The following KLF12 variants were observed in gnomAD, a reference collection of about 807,000 sequenced individuals.
KLF12 encodes the protein Krueppel-like factor 12.
A neutral mutation model predicts 37.8 loss-of-function variants in KLF12; 9 were observed. The observed-to-expected ratio is 0.24, with a 90% CI of 0.14 to 0.42. KLF12 has a LOEUF of 0.42. KLF12 is among the 10% of genes least tolerant of loss of function. KLF12 has a pLI of 1.00. For missense variants in KLF12, 411 were observed against 516.0 expected, an observed-to-expected ratio of 0.80 and a Z score of 1.97; for synonymous variants, 208 against 202.1, an observed-to-expected ratio of 1.03 and a Z score of -0.25.
chr13:73,763,647 C>T (rs999808177), intron 6 of KLF12, among the ~76,000 whole-genome samples: 3 of 152,122 alleles, frequency 2.0e-5, no homozygotes, highest in Non-Finnish European at 4.4e-5. Context: ...CCATTGAGAA[C>T]CAAGTTATGG....
At chr13:73,707,111 C>T (rs1267768959) in intron 7 of KLF12, among the ~76,000 whole-genome samples, 3 of 152,230 alleles carry the variant, frequency 2.0e-5, no homozygotes, top group Middle Eastern at 3.4e-3. Flanking sequence ...AGAGAAGACT[C>T]GTAGGTTATC....
intron 4 of KLF12, among the ~76,000 whole-genome samples, chr13:73,819,120 T>C (rs1883391244): frequency 6.6e-6 from 1 of 152,116 alleles, no homozygotes; most frequent in Non-Finnish European, 1.5e-5. Flanking sequence ...GGAAGCTTCT[T>C]TAGGATAAAA....
At chr13:74,268,107 G>C in the KLF12 span, among the ~76,000 whole-genome samples, 3 of 152,120 alleles carry the variant, frequency 2.0e-5, no homozygotes, top group African/African-American at 7.2e-5. Flanking sequence ...GTTGTTTTAA[G>C]CTACTGAGTT....
Position 73,751,665 on chromosome 13 carries a change from G to C in KLF12, c.869+13273C>G, listed in dbSNP as rs1013215197. On this transcript the variant is annotated intron_variant, in intron 6 of 7. Transcript: ENST00000377669. Reference sequence around the variant, plus strand: ...CGAGGAATGAGAAGACTGAGGTTAGGGAATATGAACAGATAGAATAAATGG... The same window carrying C: ...CGAGGAATGAGAAGACTGAGGTTAGCGAATATGAACAGATAGAATAAATGG... 2.0e-5 allele frequency among the ~76,000 whole-genome samples: 3 copies of C among 152,160 alleles called. No individual in the cohort carries two copies. In the East Asian group the frequency reaches 5.8e-4, roughly 29 times the overall value.
chr13:74,089,450 C>T (rs1401426244), intron 1 of KLF12, among the ~76,000 whole-genome samples: 4 of 151,918 alleles, frequency 2.6e-5, no homozygotes, highest in Admixed American at 2.6e-4. Context: ...TTGAAAATTC[C>T]ACAGATAACC....
At chr13:73,930,133 T>C (rs1889596155) in intron 3 of KLF12, among the ~76,000 whole-genome samples, 1 of 152,220 alleles carries the variant, frequency 6.6e-6, no homozygotes, top group African/African-American at 2.4e-5. Context: ...CATAGGTCTC[T>C]TAACAATAGC....
At chr13:74,054,789 C>G (rs1873146028) in intron 1 of KLF12, among the ~76,000 whole-genome samples, 1 of 152,124 alleles carries the variant, frequency 6.6e-6, no homozygotes, top group Non-Finnish European at 1.5e-5. Flanking sequence ...TTGCTTGTAC[C>G]TCATTTTCCA....
chr13:73,878,240 C>T (rs1230099272), intron 3 of KLF12, among the ~76,000 whole-genome samples: 1 of 152,090 alleles, frequency 6.6e-6, no homozygotes, highest in Non-Finnish European at 1.5e-5. Flanking sequence ...CACAACCTCT[C>T]TTCACAACAG....
intron 4 of KLF12, among the ~76,000 whole-genome samples, chr13:73,839,062 T>A (rs1057504499): frequency 1.3e-5 from 2 of 151,418 alleles, no homozygotes; most frequent in African/African-American, 4.9e-5. Flanking sequence ...TGTTTTTTTC[T>A]CCCCAGATCT....
chr13:74,212,712 A>C, the KLF12 span, among the ~76,000 whole-genome samples: 1 of 152,180 alleles, frequency 6.6e-6, no homozygotes, highest in Non-Finnish European at 1.5e-5. Flanking sequence ...GGAAAACTGA[A>C]ATAGAAGTGG....
At chr13:74,209,036 C>A in the KLF12 span, among the ~76,000 whole-genome samples, 1 of 151,754 alleles carries the variant, frequency 6.6e-6, no homozygotes. Context: ...TCTTGAGTGA[C>A]GTAACAGTAT....
At chr13:73,854,432 C>A (rs1885499773) in intron 3 of KLF12, among the ~76,000 whole-genome samples, 1 of 152,138 alleles carries the variant, frequency 6.6e-6, no homozygotes, top group South Asian at 2.1e-4. Flanking sequence ...TGAAGTATAT[C>A]AAATTTCAGA....
At chr13:73,893,995 G>A (rs1295279379) in intron 3 of KLF12, among the ~76,000 whole-genome samples, 1 of 152,144 alleles carries the variant, frequency 6.6e-6, no homozygotes, top group Non-Finnish European at 1.5e-5. Context: ...AACAACAAGG[G>A]CTCTTAGGAG....
At chr13:74,000,176 T>C (rs1459636745) in intron 1 of KLF12, among the ~76,000 whole-genome samples, 1 of 152,172 alleles carries the variant, frequency 6.6e-6, no homozygotes, top group Non-Finnish European at 1.5e-5. Context: ...ACATTTATAA[T>C]CAAGTGCCCA....
chr13:73,893,524 G>C (rs1887615120), intron 3 of KLF12, among the ~76,000 whole-genome samples: 1 of 151,854 alleles, frequency 6.6e-6, no homozygotes, highest in African/African-American at 2.4e-5. Context: ...TAGGACTATA[G>C]GAGCGCGCTG....
intron 1 of KLF12, among the ~76,000 whole-genome samples, chr13:74,084,853 C>T (rs930840031): frequency 5.3e-5 from 8 of 151,920 alleles, no homozygotes; most frequent in East Asian, 3.8e-4. Flanking sequence ...ACATTTTTTC[C>T]GCTTATTTGA....
intron 3 of KLF12, among the ~76,000 whole-genome samples, chr13:73,909,315 TA>T (rs1262875303): frequency 1.3e-5 from 2 of 152,196 alleles, no homozygotes; most frequent in African/African-American, 4.8e-5. Flanking sequence ...GACTAGTTAA[TA>T]AGTTTTTGCT....
intron 3 of KLF12, among the ~76,000 whole-genome samples, chr13:73,912,793 T>G (rs1354545901): frequency 6.6e-6 from 1 of 152,212 alleles, no homozygotes; most frequent in Non-Finnish European, 1.5e-5. Flanking sequence ...TTGTTAACTC[T>G]TTAAGCAACA....
intron 3 of KLF12, among the ~76,000 whole-genome samples, chr13:73,939,753 A>C (rs1340149090): frequency 2.0e-5 from 3 of 152,144 alleles, no homozygotes; most frequent in East Asian, 1.9e-4. Context: ...TAAAGGAGAG[A>C]GACTAAGCAT....
Sources: gnomAD v4.1 joint callset for allele counts (sites outside exome capture counted in the v4.1 genomes callset) on GRCh38, gnomAD v4.1.1 for gene constraint, MANE v1.5 for transcripts, NCBI Gene and HGNC (gene_info 2026-07-23, HGNC 2026-07-21) for gene names.